The following AHCYL2 variants were observed in gnomAD, a reference collection of about 807,000 sequenced individuals.
AHCYL2 encodes S-adenosylhomocysteine hydrolase-like protein 2.
A neutral mutation model predicts 81.4 loss-of-function variants in AHCYL2; 28 were observed. That is an observed-to-expected ratio of 0.34 (90% confidence interval 0.25 to 0.47). The LOEUF is 0.47. Among genes scored for constraint, AHCYL2 ranks in the 20% least tolerant of loss-of-function variants. The pLI, the probability that AHCYL2 is intolerant of heterozygous loss-of-function variation, is 1.00. For synonymous variants in AHCYL2, 272 were observed against 290.2 expected (o/e 0.94, Z 0.64); for missense variants, 551 against 785.1 (o/e 0.70, Z 3.56).
At position 129,429,354 on chromosome 7, in the gene AHCYL2, C is replaced by T. The variant is rs1701328948; in HGVS notation, c.*2309C>T. 6.6e-6 allele frequency: 1 copy of T among 152,146 alleles called. No homozygotes were observed. The highest frequency in any genetic ancestry group is 6.5e-5 in the Admixed American group (1 of 15,274). The allele number at this position is 152,146 out of a possible 1,614,324, so 9.4% of individuals were successfully genotyped here. A position where few individuals can be genotyped will look rare whatever the true frequency, so the allele number is the denominator to read the frequency against. On this transcript the variant is annotated 3_prime_UTR_variant, in exon 17 of 17. Coordinates refer to ENST00000325006, the MANE Select transcript of AHCYL2 (RefSeq NM_015328.4). ...GAAATCTGGTCATTATTCCCTCTAC[C>T]CTTGGAATCAGAGCAATGTGTCTTC... is the stretch of plus-strand genomic sequence containing the variant.
intron 1 of AHCYL2, among the ~76,000 whole-genome samples, chr7:129,340,513 A>G (rs1456003379): frequency 6.7e-6 from 1 of 150,198 alleles, no homozygotes; most frequent in African/African-American, 2.4e-5. Flanking sequence ...ACTTGCAGTG[A>G]GCCGAGATCG....
chr7:129,309,274 C>T (rs1797556828), intron 1 of AHCYL2, among the ~76,000 whole-genome samples: 1 of 150,992 alleles, frequency 6.6e-6, no homozygotes, highest in South Asian at 2.1e-4. Context: ...TACAGTGGCT[C>T]ACACCTGTAA....
intron 12 of AHCYL2, among the ~76,000 whole-genome samples, chr7:129,416,474 T>G (rs1052782119): frequency 6.6e-6 from 1 of 152,102 alleles, no homozygotes. Context: ...TGGATTATAA[T>G]TTGAAATAGA....
chr7:129,372,870 A>C (rs1041961999), intron 1 of AHCYL2, among the ~76,000 whole-genome samples: 1 of 152,212 alleles, frequency 6.6e-6, no homozygotes, highest in Non-Finnish European at 1.5e-5. Context: ...CTGACCTTTC[A>C]AATAACCTTT....
chr7:129,326,451 A>G (rs1798229493), intron 1 of AHCYL2, among the ~76,000 whole-genome samples: 1 of 152,060 alleles, frequency 6.6e-6, no homozygotes, highest in African/African-American at 2.4e-5. Context: ...CGCTTGAACC[A>G]GGAGGCAGAG....
intron 1 of AHCYL2, among the ~76,000 whole-genome samples, chr7:129,326,289 G>A (rs1218265375): frequency 6.6e-6 from 1 of 152,148 alleles, no homozygotes; most frequent in Non-Finnish European, 1.5e-5. Flanking sequence ...CACTTTGAGA[G>A]GCTGAGGTGA....
chr7:129,264,130 T>G (rs1795735446), intron 1 of AHCYL2, among the ~76,000 whole-genome samples: 1 of 152,226 alleles, frequency 6.6e-6, no homozygotes, highest in Non-Finnish European at 1.5e-5. Flanking sequence ...CACACCATTC[T>G]CCTGCTTCAG....
intron 3 of AHCYL2, 125 bp downstream of exon 3, chr7:129,389,324 A>T: frequency 8.3e-7 from 1 of 1,198,258 alleles, no homozygotes; most frequent in Non-Finnish European, 1.2e-6. Flanking sequence ...CTTATAACAA[A>T]AGAAATGTGA....
At chr7:129,324,843 T>C (rs1180589452) in intron 1 of AHCYL2, among the ~76,000 whole-genome samples, 1 of 152,228 alleles carries the variant, frequency 6.6e-6, no homozygotes, top group Non-Finnish European at 1.5e-5. Context: ...TCTGTTTCCT[T>C]TTTTGTAATT....
intron 1 of AHCYL2, among the ~76,000 whole-genome samples, chr7:129,330,999 A>G (rs189689722): frequency 2.6e-5 from 4 of 152,348 alleles, no homozygotes; most frequent in African/African-American, 9.6e-5. Flanking sequence ...TGTTTTCTAA[A>G]TATGATATAA....
chr7:129,409,064 G>T (rs1796440640), intron 10 of AHCYL2, among the ~76,000 whole-genome samples: 1 of 151,224 alleles, frequency 6.6e-6, no homozygotes, highest in African/African-American at 2.4e-5. Flanking sequence ...TCCAGCCTGG[G>T]CAGCATAGTG....
intron 1 of AHCYL2, among the ~76,000 whole-genome samples, chr7:129,322,391 T>C (rs764023697): frequency 1.2e-4 from 19 of 152,034 alleles, no homozygotes; most frequent in Non-Finnish European, 1.5e-5. Flanking sequence ...CTGCCCGCCT[T>C]GGTCTCCCAA....
At chr7:129,397,396 ATCT>A in intron 5 of AHCYL2, 72 bp downstream of exon 5, 1 of 1,378,300 alleles carries the variant, frequency 7.3e-7, no homozygotes, top group Non-Finnish European at 1.0e-6. Context: ...TTCAGCATAA[ATCT>A]TTAAAGAAGG....
At chr7:129,350,527 GTGCAT>G (rs1793521637) in intron 1 of AHCYL2, among the ~76,000 whole-genome samples, 1 of 151,620 alleles carries the variant, frequency 6.6e-6, no homozygotes, top group East Asian at 1.9e-4. Flanking sequence ...GGGACTACAG[GTGCAT>G]TGTGCCACCA....
intron 1 of AHCYL2, among the ~76,000 whole-genome samples, chr7:129,344,429 T>G (rs1038122885): frequency 5.3e-5 from 8 of 152,142 alleles, no homozygotes; most frequent in Non-Finnish European, 1.2e-4. Context: ...AATGAACTAC[T>G]CATATAACAG....
chr7:129,241,553 G>C lies in AHCYL2; in HGVS notation c.363+16114G>C, dbSNP rs150190829. ...TTGCAGTGAGCTGAGACTGGCCACT[G>C]TACTTCCAGTCTGGGTGACAGAGTG... On this transcript the variant is annotated intron_variant, in intron 1 of 16. Transcript: ENST00000325006. Among the ~76,000 whole-genome samples, 719 of 152,118 alleles carry C rather than the reference G, an allele frequency of 4.7e-3. 9 individuals carry two copies. Among genetic ancestry groups the C allele is most frequent in the African/African-American group, 0.017 (690 of 41,492 alleles).
chr7:129,286,417 A>G (rs553804729), intron 1 of AHCYL2, among the ~76,000 whole-genome samples: 15 of 151,780 alleles, frequency 9.9e-5, no homozygotes, highest in African/African-American at 3.6e-4. Context: ...TCAAAGACAA[A>G]TATAAATATG....
intron 6 of AHCYL2, among the ~76,000 whole-genome samples, chr7:129,402,100 A>G (rs1796065342): frequency 1.3e-5 from 2 of 152,212 alleles, no homozygotes; most frequent in African/African-American, 4.8e-5. Context: ...CCAGTTGTTC[A>G]ATCTCTCTTG....
intron 1 of AHCYL2, among the ~76,000 whole-genome samples, chr7:129,259,819 G>A (rs896853836): frequency 2.0e-5 from 3 of 152,228 alleles, no homozygotes; most frequent in Admixed American, 1.3e-4. Context: ...GCTCACATCT[G>A]TAATTCCAGT....
Sources: allele counts gnomAD v4.1 joint callset (sites outside exome capture counted in the v4.1 genomes callset), GRCh38; gene constraint gnomAD v4.1.1; transcripts MANE v1.5; gene names NCBI Gene and HGNC (gene_info 2026-07-23, HGNC 2026-07-21).